RNF150: variants seen among roughly 807,000 people sequenced by gnomAD.
RNF150 encodes ring finger protein 150.
In RNF150, 24 loss-of-function variants were observed where a neutral mutation model predicts 39.3. The ratio of observed to expected loss-of-function variants is 0.61; its 90% confidence interval spans 0.44 to 0.86. The LOEUF (loss-of-function observed/expected upper bound fraction) is 0.86. Among genes scored for constraint, RNF150 ranks in the 40% least tolerant of loss-of-function variants. The probability of loss-of-function intolerance (pLI) is 0.00; values close to 1 mark genes in which losing one functional copy is unlikely to be tolerated. For synonymous variants in RNF150, 255 were observed against 227.3 expected (o/e 1.12, Z -1.10); for missense variants, 502 against 587.8 (o/e 0.85, Z 1.51).
At chr4:141,098,701 T>C (rs1738895265) in intron 1 of RNF150, among the ~76,000 whole-genome samples, 1 of 152,176 alleles carries the variant, frequency 6.6e-6, no homozygotes, top group South Asian at 2.1e-4. Flanking sequence ...AACAATAAAT[T>C]CAGGTGTGTC....
intron 1 of RNF150, among the ~76,000 whole-genome samples, chr4:141,140,861 G>A (rs1020484093): frequency 2.6e-5 from 4 of 152,166 alleles, no homozygotes; most frequent in Admixed American, 6.5e-5. Flanking sequence ...TTCCCACAGG[G>A]CTGGTAAACA....
chr4:141,169,460 C>T (rs1005476648), intron 1 of RNF150, among the ~76,000 whole-genome samples: 2 of 152,142 alleles, frequency 1.3e-5, no homozygotes, highest in African/African-American at 4.8e-5. Context: ...ACAATCAATA[C>T]ATAACTATTT....
chr4:140,878,446 T>C (rs944264707), intron 6 of RNF150, among the ~76,000 whole-genome samples: 2 of 152,196 alleles, frequency 1.3e-5, no homozygotes, highest in African/African-American at 2.4e-5. Context: ...GTGCTGGGAT[T>C]ACAGGCGTAA....
At chr4:140,903,559 C>T (rs892537228) in intron 6 of RNF150, among the ~76,000 whole-genome samples, 1 of 152,142 alleles carries the variant, frequency 6.6e-6, no homozygotes, top group Non-Finnish European at 1.5e-5. Flanking sequence ...GCCTCACTGC[C>T]GAGATCCATG....
intron 1 of RNF150, among the ~76,000 whole-genome samples, chr4:141,188,660 A>G (rs1911517): frequency 0.94 from 142,322 of 152,162 alleles, 67,299 homozygotes; most frequent in Non-Finnish European, 1. Context: ...ACTTGTGTAC[A>G]CTTCACGAAG....
chr4:141,184,857 G>T lies in RNF150; in HGVS notation c.-6+27937C>A, dbSNP rs540562198. Among the ~76,000 whole-genome samples, 7 of 140,786 alleles carry T rather than the reference G, an allele frequency of 5.0e-5. No individual in the cohort carries two copies. In the South Asian group the frequency reaches 1.6e-3, roughly 33 times the overall value. 92.4% of individuals were successfully genotyped at this position (140,786 alleles called of 152,430 possible). ...CTGAGGCCTCTGTTTTGTTCCATTG[G>T]TCTATATATCTGTGTGTGTGTGTGT... On this transcript the variant is annotated intron_variant, in intron 1 of 7. Coordinates refer to the RNF150 transcript ENST00000420921.
At chr4:141,035,911 T>A (rs1165471329) in intron 1 of RNF150, among the ~76,000 whole-genome samples, 1 of 152,042 alleles carries the variant, frequency 6.6e-6, no homozygotes, top group Non-Finnish European at 1.5e-5. Flanking sequence ...TAACACGACA[T>A]AACATGGCAG....
chr4:141,105,559 C>A (rs1000557482), intron 1 of RNF150, among the ~76,000 whole-genome samples: 1 of 152,202 alleles, frequency 6.6e-6, no homozygotes, highest in Non-Finnish European at 1.5e-5. Context: ...TACACCTTCT[C>A]CTGTGTTGGT....
intron 1 of RNF150, among the ~76,000 whole-genome samples, chr4:141,080,096 T>G (rs1314035386): frequency 6.6e-6 from 1 of 152,196 alleles, no homozygotes; most frequent in Non-Finnish European, 1.5e-5. Flanking sequence ...ACTTAGTATT[T>G]GAACAAACAA....
intron 1 of RNF150, among the ~76,000 whole-genome samples, chr4:141,064,254 G>A (rs1372963509): frequency 6.6e-6 from 1 of 152,188 alleles, no homozygotes; most frequent in African/African-American, 2.4e-5. Flanking sequence ...AAATGGCAAA[G>A]GTGAGATCTG....
At chr4:141,056,317 C>T (rs1231624243) in intron 1 of RNF150, among the ~76,000 whole-genome samples, 1 of 152,142 alleles carries the variant, frequency 6.6e-6, no homozygotes, top group Non-Finnish European at 1.5e-5. Flanking sequence ...AGGAAGATCA[C>T]TAGAGCCCAG....
At chr4:141,119,430 C>G (rs969940942) in intron 1 of RNF150, among the ~76,000 whole-genome samples, 2 of 152,212 alleles carry the variant, frequency 1.3e-5, no homozygotes, top group Non-Finnish European at 2.9e-5. Flanking sequence ...GGCATCTGGT[C>G]TACCACATGC....
intron 6 of RNF150, among the ~76,000 whole-genome samples, chr4:140,883,212 T>C (rs1017724995): frequency 6.6e-6 from 1 of 152,194 alleles, no homozygotes; most frequent in Non-Finnish European, 1.5e-5. Context: ...AAATTATATC[T>C]TTAGTATATT....
At chr4:141,197,445 T>C (rs1263585985) in intron 1 of RNF150, among the ~76,000 whole-genome samples, 2 of 152,218 alleles carry the variant, frequency 1.3e-5, no homozygotes, top group Non-Finnish European at 2.9e-5. Context: ...TTTTTATTTG[T>C]AACTTATTGT....
chr4:140,937,247 A>T (rs769830993), intron 4 of RNF150, among the ~76,000 whole-genome samples: 6 of 152,144 alleles, frequency 3.9e-5, no homozygotes, highest in Non-Finnish European at 4.4e-5. Flanking sequence ...ACTACTAAAA[A>T]TTTTTAAATA....
At chr4:141,089,814 G>A (rs571082227) in intron 1 of RNF150, among the ~76,000 whole-genome samples, 2 of 152,104 alleles carry the variant, frequency 1.3e-5, no homozygotes, top group East Asian at 1.9e-4. Flanking sequence ...TCTTACTTTC[G>A]TTCTACTTTA....
At position 140,866,789 on chromosome 4, in the gene RNF150, G is replaced by C. The variant is rs1354753960; in HGVS notation, c.*1472C>G. On this transcript the variant is annotated 3_prime_UTR_variant, in exon 7 of 7. Coordinates refer to ENST00000515673, the MANE Select transcript of RNF150 (RefSeq NM_020724.2). ...TGTTTGCCAGCTGTGTAGAGATAAG[G>C]TGATCCGTCTGATTGTTCAGAGACG... The C allele has an allele frequency of 6.6e-6, 1 of 151,856 alleles. No homozygotes were observed. The highest frequency in any genetic ancestry group is 1.5e-5 in the Non-Finnish European group (1 of 67,934). 9.4% of individuals were successfully genotyped at this position (151,856 alleles called of 1,614,324 possible).
chr4:140,984,369 AAT>A (rs1233318148), intron 1 of RNF150, among the ~76,000 whole-genome samples: 3 of 152,102 alleles, frequency 2.0e-5, no homozygotes, highest in African/African-American at 7.2e-5. Flanking sequence ...TTTTTAGACT[AAT>A]ATGTAAGTGA....
intron 1 of RNF150, among the ~76,000 whole-genome samples, chr4:141,037,981 T>C (rs550502885): frequency 1.3e-5 from 2 of 152,312 alleles, no homozygotes; most frequent in African/African-American, 4.8e-5. Context: ...TGATTGTTTA[T>C]TCACTAAGTT....
Sources: gnomAD v4.1 joint callset for allele counts (sites outside exome capture counted in the v4.1 genomes callset) on GRCh38, gnomAD v4.1.1 for gene constraint, MANE v1.5 for transcripts, NCBI Gene and HGNC (gene_info 2026-07-23, HGNC 2026-07-21) for gene names.